NME7: variants seen among roughly 807,000 people sequenced by gnomAD.
The protein encoded by NME7 is nucleoside diphosphate kinase 7.
Under a neutral mutation model 49.1 loss-of-function variants are expected in NME7, and 41 were observed. The ratio of observed to expected loss-of-function variants is 0.83; its 90% CI spans 0.65 to 1.08. The LOEUF is 1.08. Ranked by LOEUF, NME7 falls within the 50% of genes least tolerant of loss-of-function variation. The probability of loss-of-function intolerance (pLI) is 0.00; values close to 1 mark genes in which losing one functional copy is unlikely to be tolerated. For synonymous variants in NME7, 139 were observed against 150.6 expected, an observed-to-expected ratio of 0.92 and a Z score of 0.56; for missense variants, 423 against 463.4, an observed-to-expected ratio of 0.91 and a Z score of 0.80.
Position 169,323,290 on chromosome 1 carries a change from C to A in NME7, c.112-7G>T. 6.4e-7 allele frequency: 1 copy of A among 1,555,126 alleles called. No homozygotes were observed. On this transcript the variant is annotated splice_polypyrimidine_tract_variant and splice_region_variant and intron_variant, in intron 2 of 11. Transcript: ENST00000367811. ...GATGATTCTTTACATCATGCTAGAA[C>A]CAGACACAACAATATAACAAACAAA...
chr1:169,365,242 T>G (rs1653808639), intron 1 of NME7, among the ~76,000 whole-genome samples: 1 of 152,136 alleles, frequency 6.6e-6, no homozygotes, highest in African/African-American at 2.4e-5. Flanking sequence ...AAATTATCCT[T>G]GAAAACCACA....
intron 10 of NME7, among the ~76,000 whole-genome samples, chr1:169,222,623 G>A (rs1418266923): frequency 1.3e-5 from 2 of 152,078 alleles, no homozygotes; most frequent in Non-Finnish European, 2.9e-5. Context: ...GAGGAACCCC[G>A]GGCTGAGACC....
intron 10 of NME7, among the ~76,000 whole-genome samples, chr1:169,176,217 G>C (rs1302929179): frequency 6.6e-6 from 1 of 152,128 alleles, no homozygotes; most frequent in East Asian, 1.9e-4. Flanking sequence ...AGTAGAAAAG[G>C]AAGCCAGGGA....
chr1:169,256,818 C>G (rs376998826), intron 7 of NME7, among the ~76,000 whole-genome samples: 1 of 131,298 alleles, frequency 7.6e-6, no homozygotes. Context: ...TTGGAATACC[C>G]TGCCGTGTGA....
At chr1:169,165,957 C>T (rs12124168) in intron 11 of NME7, among the ~76,000 whole-genome samples, 56,407 of 151,974 alleles carry the variant, frequency 0.37, 11,033 homozygotes, top group East Asian at 0.73. Flanking sequence ...TTCTCTAAAC[C>T]ACACAGTCAT....
rs1658272129 is a variant in NME7 at position 169,132,777 on chromosome 1, C to T, written c.*8G>A. On this transcript the variant is annotated 3_prime_UTR_variant, in exon 12 of 12. Transcript: ENST00000367811. ...TCCCAACCTGTGACTTCTTTACTTT[C>T]CACACCACTAATTATCCAAGATCTT... 1 of 1,612,452 alleles carries T rather than the reference C, an allele frequency of 6.2e-7. No homozygotes were observed. The highest frequency in any genetic ancestry group is 1.7e-5 in the Admixed American group (1 of 59,860).
At chr1:169,153,326 G>T (rs917498971) in intron 11 of NME7, among the ~76,000 whole-genome samples, 1 of 151,990 alleles carries the variant, frequency 6.6e-6, no homozygotes, top group Non-Finnish European at 1.5e-5. Flanking sequence ...CCATCAGAAA[G>T]CTTTCCAAAG....
intron 10 of NME7, among the ~76,000 whole-genome samples, chr1:169,219,584 G>C (rs1661079176): frequency 6.6e-6 from 1 of 152,060 alleles, no homozygotes; most frequent in Non-Finnish European, 1.5e-5. Context: ...ATTATGACTT[G>C]AGATAGGATC....
intron 5 of NME7, chr1:169,302,097 C>T (rs894894023): frequency 3.4e-5 from 5 of 149,190 alleles, no homozygotes; most frequent in Admixed American, 1.3e-4. Context: ...AGTCAAAAAA[C>T]GACAGATATG....
intron 1 of NME7, among the ~76,000 whole-genome samples, chr1:169,362,079 A>G (rs967921313): frequency 5.8e-4 from 88 of 151,638 alleles, no homozygotes; most frequent in African/African-American, 1.9e-3. Context: ...ATGGTGGCAC[A>G]TGCCTGTAAT....
intron 7 of NME7, among the ~76,000 whole-genome samples, chr1:169,264,375 C>G (rs1336195532): frequency 7.5e-6 from 1 of 134,040 alleles, no homozygotes; most frequent in African/African-American, 2.5e-5. Context: ...ATGGCACCCA[C>G]AGGCTCAAAA....
chr1:169,166,436 T>G (rs1659414893), intron 11 of NME7, among the ~76,000 whole-genome samples: 1 of 152,154 alleles, frequency 6.6e-6, no homozygotes, highest in Non-Finnish European at 1.5e-5. Flanking sequence ...ACAAAGTCAT[T>G]TTCTATAACA....
intron 10 of NME7, among the ~76,000 whole-genome samples, chr1:169,228,029 A>G (rs1002960213): frequency 7.2e-6 from 1 of 139,312 alleles, no homozygotes; most frequent in African/African-American, 2.7e-5. Context: ...AAAATATATA[A>G]TTATGTGTGT....
intron 10 of NME7, among the ~76,000 whole-genome samples, chr1:169,175,437 A>G (rs1659723795): frequency 6.6e-6 from 1 of 152,192 alleles, no homozygotes; most frequent in African/African-American, 2.4e-5. Flanking sequence ...TAACATAGTC[A>G]TTTATTATCA....
chr1:169,285,127 C>T (rs1284793732), intron 7 of NME7: 1 of 151,934 alleles, frequency 6.6e-6, no homozygotes, highest in South Asian at 2.1e-4. Flanking sequence ...TTGTGACAAG[C>T]AGTGTTTTGG....
chr1:169,316,056 T>C (rs1651613607), intron 3 of NME7, among the ~76,000 whole-genome samples: 1 of 151,828 alleles, frequency 6.6e-6, no homozygotes, highest in African/African-American at 2.4e-5. Flanking sequence ...AAGAAACGGG[T>C]AGTTTACAAT....
intron 9 of NME7, among the ~76,000 whole-genome samples, chr1:169,231,919 T>C (rs36013240): frequency 0.071 from 10,675 of 151,418 alleles, 1,506 homozygotes; most frequent in East Asian, 0.67. Flanking sequence ...TGTAACAATG[T>C]AAATTTTACA....
At chr1:169,263,937 G>A (rs1649239301) in intron 7 of NME7, among the ~76,000 whole-genome samples, 1 of 133,742 alleles carries the variant, frequency 7.5e-6, no homozygotes, top group Non-Finnish European at 1.8e-5. Context: ...GAGACTGAGG[G>A]CCTATATGCA....
chr1:169,343,573 C>T (rs1652854049), intron 1 of NME7, among the ~76,000 whole-genome samples: 1 of 151,628 alleles, frequency 6.6e-6, no homozygotes, highest in Admixed American at 6.6e-5. Flanking sequence ...TTCACTGCAA[C>T]CTCTGCCTCC....
Sources: gnomAD v4.1 joint callset for allele counts (sites outside exome capture counted in the v4.1 genomes callset) on GRCh38, gnomAD v4.1.1 for gene constraint, MANE v1.5 for transcripts, NCBI Gene and HGNC (gene_info 2026-07-23, HGNC 2026-07-21) for gene names.